The following CACNA2D4 variants were observed in gnomAD, a reference collection of about 807,000 sequenced individuals.
The protein encoded by CACNA2D4 is voltage-dependent calcium channel subunit alpha-2/delta-4.
Under a neutral mutation model 163.8 loss-of-function variants are expected in CACNA2D4, and 157 were observed. The observed-to-expected ratio is 0.96, with a 90% CI of 0.84 to 1.09. CACNA2D4 has a LOEUF of 1.09. CACNA2D4 is among the 50% of genes least tolerant of loss of function. The pLI is 0.00. For synonymous variants in CACNA2D4, 598 were observed against 586.9 expected (o/e 1.02, Z -0.27); for missense variants, 1,410 against 1,479.9 (o/e 0.95, Z 0.78).
At chr12:1,884,644 C>T (rs372378340) in intron 11 of CACNA2D4, 124 bp downstream of exon 11, 2 of 681,072 alleles carry the variant, frequency 2.9e-6, no homozygotes, top group South Asian at 3.7e-5. Context: ...CATCTGAAAG[C>T]AAGAATGGCT....
intron 30 of CACNA2D4, 147 bp downstream of exon 30, chr12:1,801,427 G>GGCTCCATAAA: frequency 1.4e-6 from 1 of 718,866 alleles, no homozygotes; most frequent in Non-Finnish European, 2.5e-6. Flanking sequence ...CTGACGCCCT[G>GGCTCCATAAA]GCTCCATAAA....
intron 6 of CACNA2D4, among the ~76,000 whole-genome samples, chr12:1,895,464 C>A (rs1866381302): frequency 6.6e-6 from 1 of 152,024 alleles, no homozygotes; most frequent in Non-Finnish European, 1.5e-5. Context: ...AAAAACAAAG[C>A]TGGAGGCATC....
intron 20 of CACNA2D4, among the ~76,000 whole-genome samples, chr12:1,858,338 C>T (rs1592715203): frequency 1.3e-5 from 2 of 152,136 alleles, no homozygotes; most frequent in African/African-American, 2.4e-5. Flanking sequence ...ACTAGCAGTG[C>T]GGTTGGCAGG....
At position 1,842,500 on chromosome 12, in the gene CACNA2D4, G is replaced by A. The variant is rs886189977; in HGVS notation, c.2471-1681C>T. Among the ~76,000 whole-genome samples the A allele has an allele frequency of 5.9e-5, 9 of 152,312 alleles. No homozygotes were observed. The South Asian group carries it at 1.0e-3, about 18-fold the overall frequency. ...GCCATGTGTCTAAGCGTGTGTGTGC[G>A]CTGAGCGAGTGAGTGGGCTGTGGAG... is the stretch of plus-strand genomic sequence containing the variant. On this transcript the variant is annotated intron_variant, in intron 25 of 37. Coordinates refer to ENST00000382722, the MANE Select transcript of CACNA2D4 (RefSeq NM_172364.5).
At chr12:1,825,175 C>T (rs779527793) in intron 26 of CACNA2D4, among the ~76,000 whole-genome samples, 26 of 152,190 alleles carry the variant, frequency 1.7e-4, no homozygotes, top group African/African-American at 4.1e-4. Flanking sequence ...CACAAGAGGC[C>T]GCCTTCACCA....
At chr12:1,821,793 C>T (rs1341926091) in intron 26 of CACNA2D4, among the ~76,000 whole-genome samples, 3 of 152,182 alleles carry the variant, frequency 2.0e-5, no homozygotes, top group Non-Finnish European at 4.4e-5. Flanking sequence ...CACCTCCCTG[C>T]AGGTCTGGGG....
rs1224507176 is a variant in CACNA2D4 at position 1,833,525 on chromosome 12, C to T, written c.2551+7214G>A. 1.3e-5 allele frequency among the ~76,000 whole-genome samples: 2 copies of T among 152,212 alleles called. No homozygotes were observed. Among genetic ancestry groups the T allele is most frequent in the African/African-American group, 2.4e-5 (1 of 41,452 alleles). ...AGGTACCCACACCTCCTCATCAACACCAGCCTCCTCTCCTTGGCCTCGTGT... is the reference window on the plus strand; with the variant it reads ...AGGTACCCACACCTCCTCATCAACATCAGCCTCCTCTCCTTGGCCTCGTGT... On this transcript the variant is annotated intron_variant, in intron 26 of 37. Coordinates refer to ENST00000382722, the MANE Select transcript of CACNA2D4 (RefSeq NM_172364.5). This position sits in a 1 kb window ranked among gnomAD's most constrained non-coding sequence, Gnocchi z 4.2.
At chr12:1,852,213 T>C (rs1865298152) in intron 23 of CACNA2D4, among the ~76,000 whole-genome samples, 1 of 152,216 alleles carries the variant, frequency 6.6e-6, no homozygotes, top group Non-Finnish European at 1.5e-5. Context: ...TAATTGCCTC[T>C]GCTTGCTTTC....
intron 22 of CACNA2D4, among the ~76,000 whole-genome samples, chr12:1,855,725 C>G (rs1865385145): frequency 1.3e-5 from 2 of 152,130 alleles, no homozygotes; most frequent in Non-Finnish European, 2.9e-5. Flanking sequence ...TTCTCCTGAC[C>G]CTTAACAGAG....
rs1257197549 is a variant in CACNA2D4 at position 1,855,932 on chromosome 12, C to T, written c.2152+80G>A. 5.6e-6 allele frequency: 6 copies of T among 1,064,868 alleles called. No homozygotes were observed. In the Admixed American group the frequency reaches 1.1e-4, roughly 19 times the overall value. The allele number at this position is 1,064,868 out of a possible 1,614,324, so 66.0% of individuals were successfully genotyped here. On this transcript the variant is annotated intron_variant, in intron 22 of 37. Coordinates refer to ENST00000382722, the MANE Select transcript of CACNA2D4 (RefSeq NM_172364.5). ...AGGGCTGTGCAGCAGCCTCCCCCTGCCTTCCCACCTCTCCTGGCAAAGTCC... is the reference window on the plus strand; with the variant it reads ...AGGGCTGTGCAGCAGCCTCCCCCTGTCTTCCCACCTCTCCTGGCAAAGTCC...
At position 1,879,017 on chromosome 12, in the gene CACNA2D4, A is replaced by G. The variant is rs780105320; in HGVS notation, c.1583T>C (p.Leu528Pro). The G allele has an allele frequency of 4.3e-6, 7 of 1,613,850 alleles. No individual in the cohort carries two copies. In the East Asian group the frequency reaches 1.6e-4, roughly 36 times the overall value. ...KNETRSHGIL[L>P]GVVGSDVALR... is the part of the protein sequence containing the mutation. Reference sequence around the variant, plus strand: ...GGCCACATCTGAGCCCACCACACCCAGGAGAATGCCATGGGATCGCTGGAA... The same window carrying G: ...GGCCACATCTGAGCCCACCACACCCGGGAGAATGCCATGGGATCGCTGGAA... The change falls in exon 15 of 38, where the codon CTG (leucine) becomes CCG (proline). Residue 528 changes from leucine (L) to proline (P), a missense_variant. Physicochemically the swap from Leu to Pro is moderately conservative, Grantham distance 98 (BLOSUM62 -3). Transcript: ENST00000382722.
In CACNA2D4 at chr12:1,878,267, C is replaced by T; in HGVS notation, c.1719+48G>A. 1 of 1,572,422 alleles carries T rather than the reference C, an allele frequency of 6.4e-7. No individual in the cohort carries two copies. The highest frequency in any genetic ancestry group is 1.7e-4 in the Middle Eastern group (1 of 6,008). ...TTTAATCGTTTTTGTGAATTACCCC[C>T]AAATCCCATACAGTAAGGATCCCAA... On this transcript the variant is annotated intron_variant, in intron 16 of 37. Transcript: ENST00000382722. This position sits in a 1 kb window ranked among gnomAD's most constrained non-coding sequence, Gnocchi z 4.6.
Position 1,913,247 on chromosome 12 carries a change from G to C in CACNA2D4, c.310-108C>G, listed in dbSNP as rs1250112576. Reference sequence around the variant, plus strand: ...CTCCACAGATGCATTCCGGCACATGGAGCCTGGTTTACTCAACTAGGGTGA... The same window carrying C: ...CTCCACAGATGCATTCCGGCACATGCAGCCTGGTTTACTCAACTAGGGTGA... On this transcript the variant is annotated intron_variant, in intron 2 of 37. Transcript: ENST00000382722. 4.0e-6 allele frequency: 3 copies of C among 750,632 alleles called. No homozygotes were observed. In the African/African-American group the frequency reaches 5.2e-5, roughly 13 times the overall value. The allele number at this position is 750,632 out of a possible 1,614,324, so 46.5% of individuals were successfully genotyped here. A position where few individuals can be genotyped will look rare whatever the true frequency, so the allele number is the denominator to read the frequency against.
rs145706419 is a variant in CACNA2D4 at position 1,829,843 on chromosome 12, G to A, written c.2551+10896C>T. ...CTGACCTCGGCTGGGCTGACCTGGTGGGGCTGAACTATTTTGAATTCTTCC... is the reference window on the plus strand; with the variant it reads ...CTGACCTCGGCTGGGCTGACCTGGTAGGGCTGAACTATTTTGAATTCTTCC... On this transcript the variant is annotated intron_variant, in intron 26 of 37. Coordinates refer to ENST00000382722, the MANE Select transcript of CACNA2D4 (RefSeq NM_172364.5). This position sits in a 1 kb window ranked among gnomAD's most constrained non-coding sequence, Gnocchi z 4.2. Among the ~76,000 whole-genome samples, 340 of 152,104 alleles carry A rather than the reference G, an allele frequency of 2.2e-3. 1 individual carries two copies. The highest frequency in any genetic ancestry group is 7.8e-3 in the African/African-American group (323 of 41,532).
rs1015553213 is a variant in CACNA2D4, at chr12:1,843,605, C to T, written c.2470+797G>A. Among the ~76,000 whole-genome samples, 25 of 152,310 alleles carry T rather than the reference C, an allele frequency of 1.6e-4. No homozygotes were observed. Among genetic ancestry groups the T allele is most frequent in the African/African-American group, 5.1e-4 (21 of 41,568 alleles). ...CACTCTGGGATCCCTGGACAAGCCC[C>T]GGAAGCTCCCTGGGCCACAGTCACT... On this transcript the variant is annotated intron_variant, in intron 25 of 37. Coordinates refer to ENST00000382722, the MANE Select transcript of CACNA2D4 (RefSeq NM_172364.5). This position sits in a 1 kb window ranked among gnomAD's most constrained non-coding sequence, Gnocchi z 4.6.
At chr12:1,807,422 A>T (rs570331132) in intron 29 of CACNA2D4, among the ~76,000 whole-genome samples, 141 of 151,594 alleles carry the variant, frequency 9.3e-4, no homozygotes, top group African/African-American at 3.2e-3. Context: ...GCCAGATTTT[A>T]AGTCTTCTGC....
chr12:1,855,289 T>C (rs949859164), intron 22 of CACNA2D4, among the ~76,000 whole-genome samples: 3 of 152,122 alleles, frequency 2.0e-5, no homozygotes, highest in Non-Finnish European at 4.4e-5. Context: ...ATGAAATGAA[T>C]AAATAAGTAA....
At chr12:1,819,986 C>T (rs1235129077) in intron 26 of CACNA2D4, among the ~76,000 whole-genome samples, 2 of 152,196 alleles carry the variant, frequency 1.3e-5, no homozygotes, top group African/African-American at 2.4e-5. Flanking sequence ...GGGCTCAGGG[C>T]CCTTTCCTGT....
intron 3 of CACNA2D4, among the ~76,000 whole-genome samples, chr12:1,912,694 T>C (rs1375044353): frequency 6.6e-6 from 1 of 152,210 alleles, no homozygotes; most frequent in Non-Finnish European, 1.5e-5. Flanking sequence ...CCCCGTGCAG[T>C]GCTCTGTACT....
Sources: gnomAD v4.1 joint callset for allele counts (sites outside exome capture counted in the v4.1 genomes callset) on GRCh38, gnomAD v4.1.1 for gene constraint, Gnocchi (gnomAD v3.1) non-coding constraint, MANE v1.5 for transcripts, NCBI Gene and HGNC (gene_info 2026-07-23, HGNC 2026-07-21) for gene names.